ASIC2: variants seen among roughly 807,000 people sequenced by gnomAD.
ASIC2 encodes acid-sensing ion channel 2.
Under a neutral mutation model 57.3 loss-of-function variants are expected in ASIC2, and 25 were observed. The observed-to-expected ratio is 0.44, with a 90% CI of 0.32 to 0.61. ASIC2 has a LOEUF of 0.61. ASIC2 is among the 20% of genes least tolerant of loss of function. The pLI is 0.06. For synonymous variants in ASIC2, 319 were observed against 307.5 expected, an observed-to-expected ratio of 1.04 and a Z score of -0.39; for missense variants, 641 against 738.1, an observed-to-expected ratio of 0.87 and a Z score of 1.52.
chr17:33,443,125 T>C (rs1218388090), intron 1 of ASIC2, among the ~76,000 whole-genome samples: 1 of 152,232 alleles, frequency 6.6e-6, no homozygotes, highest in African/African-American at 2.4e-5. Flanking sequence ...TGTCACAGTA[T>C]ATAATCCTTC....
chr17:33,663,279 C>T (rs1049754744), intron 1 of ASIC2, among the ~76,000 whole-genome samples: 6 of 152,122 alleles, frequency 3.9e-5, no homozygotes, highest in Non-Finnish European at 8.8e-5. Flanking sequence ...AAAATCCTTG[C>T]CCTTTTGCCT....
chr17:34,126,400 G>A (rs1911781742), intron 1 of ASIC2, among the ~76,000 whole-genome samples: 1 of 152,140 alleles, frequency 6.6e-6, no homozygotes, highest in South Asian at 2.1e-4. Context: ...AATAAATAAA[G>A]CACCCCAGAG....
intron 1 of ASIC2, among the ~76,000 whole-genome samples, chr17:34,141,876 G>A (rs911539919): frequency 6.6e-6 from 1 of 152,164 alleles, no homozygotes; most frequent in African/African-American, 2.4e-5. Flanking sequence ...CATTGCTCTG[G>A]GGGGAACAAT....
At chr17:34,026,749 T>C (rs1322699637) in intron 1 of ASIC2, among the ~76,000 whole-genome samples, 2 of 152,118 alleles carry the variant, frequency 1.3e-5, no homozygotes, top group South Asian at 2.1e-4. Flanking sequence ...ATTCACCTCA[T>C]TTTGCAGATG....
At chr17:34,052,811 A>C (rs377439869) in intron 1 of ASIC2, among the ~76,000 whole-genome samples, 2 of 151,348 alleles carry the variant, frequency 1.3e-5, no homozygotes, top group Non-Finnish European at 2.9e-5. Context: ...TAGAGATGGG[A>C]TTTCACTATG....
chr17:33,231,656 T>C (rs895442338), intron 1 of ASIC2, among the ~76,000 whole-genome samples: 1 of 152,118 alleles, frequency 6.6e-6, no homozygotes, highest in Non-Finnish European at 1.5e-5. Flanking sequence ...CGAGGCCTGA[T>C]GGGTCACTGT....
chr17:33,513,672 C>A (rs777544751), intron 1 of ASIC2, among the ~76,000 whole-genome samples: 7 of 152,220 alleles, frequency 4.6e-5, no homozygotes, highest in Non-Finnish European at 7.3e-5. Flanking sequence ...AGTTGGGGAA[C>A]AAAACCCCAT....
chr17:33,360,554 G>C (rs974622082), intron 1 of ASIC2, among the ~76,000 whole-genome samples: 4 of 152,190 alleles, frequency 2.6e-5, no homozygotes, highest in Non-Finnish European at 4.4e-5. Flanking sequence ...CTTTCTTTGT[G>C]TATTTTTCTA....
At chr17:34,136,054 G>A (rs899192932) in intron 1 of ASIC2, among the ~76,000 whole-genome samples, 2 of 152,084 alleles carry the variant, frequency 1.3e-5, no homozygotes, top group Non-Finnish European at 2.9e-5. Context: ...GACAGGGCAG[G>A]AGTCAGACAA....
chr17:33,563,385 C>A (rs566173641), intron 1 of ASIC2, among the ~76,000 whole-genome samples: 49 of 152,272 alleles, frequency 3.2e-4, no homozygotes, highest in South Asian at 2.7e-3. Context: ...ACAGGATAAA[C>A]CGGGAATTAA....
At chr17:33,324,201 A>G (rs1036420857) in intron 1 of ASIC2, among the ~76,000 whole-genome samples, 1 of 152,000 alleles carries the variant, frequency 6.6e-6, no homozygotes. Context: ...CAAGCACTGT[A>G]TTTTCCCTCA....
At chr17:33,269,652 T>C (rs1765487028) in intron 1 of ASIC2, among the ~76,000 whole-genome samples, 1 of 81,532 alleles carries the variant, frequency 1.2e-5, no homozygotes, top group Non-Finnish European at 2.7e-5. Flanking sequence ...CCTTCCTTCC[T>C]TCCTTCCTTC....
In ASIC2 at chr17:34,097,938, G is replaced by A. The variant is rs1356179502; in HGVS notation, c.555+58040C>T. On this transcript the variant is annotated intron_variant, in intron 1 of 9. Coordinates refer to the ASIC2 transcript ENST00000359872. ...CTTTGCTCGGCTGCCCACTATGGGA[G>A]TAGTTCTGGAGGTAAATTTCAAAGG... Among the ~76,000 whole-genome samples the A allele has an allele frequency of 3.9e-5, 6 of 152,140 alleles. No homozygotes were observed. The East Asian group carries it at 1.2e-3, about 29-fold the overall frequency.
Position 33,500,421 on chromosome 17 carries a change from G to T in ASIC2, c.556-388354C>A, listed in dbSNP as rs538091690. On this transcript the variant is annotated intron_variant, in intron 1 of 9. Transcript: ENST00000359872. The stretch of plus-strand genomic sequence containing the variant: ...TTGGCCCACTCAAGATCATCACAAT[G>T]GCCCATGGAATGGCTCCTCCTTATC... Among the ~76,000 whole-genome samples the T allele has an allele frequency of 2.6e-5, 4 of 152,308 alleles. No homozygotes were observed. In the South Asian group the frequency reaches 8.3e-4, roughly 32 times the overall value.
In ASIC2 at chr17:33,451,075, G is replaced by A. The variant is rs139628276; in HGVS notation, c.556-339008C>T. ...CGTACATGTACTTTTTTTTTTTTCT[G>A]AGATGGAGTCTCACTCTGTCGCCCA... is the stretch of plus-strand genomic sequence containing the variant. On this transcript the variant is annotated intron_variant, in intron 1 of 9. Coordinates refer to the ASIC2 transcript ENST00000359872. Among the ~76,000 whole-genome samples, 1,131 of 133,772 alleles carry A rather than the reference G, an allele frequency of 8.5e-3. 20 individuals are homozygous for A. The highest frequency in any genetic ancestry group is 0.029 in the African/African-American group (1,052 of 36,486). 87.8% of individuals were successfully genotyped at this position (133,772 alleles called of 152,430 possible). A position where few individuals can be genotyped will look rare whatever the true frequency, so the allele number is the denominator to read the frequency against.
intron 1 of ASIC2, among the ~76,000 whole-genome samples, chr17:33,997,302 G>C (rs1323771827): frequency 7.5e-6 from 1 of 132,502 alleles, no homozygotes; most frequent in Non-Finnish European, 1.5e-5. Context: ...CACCATGCAC[G>C]GTTAATTTTT....
chr17:33,313,201 C>T (rs1047558165), intron 1 of ASIC2, among the ~76,000 whole-genome samples: 4 of 151,792 alleles, frequency 2.6e-5, no homozygotes, highest in Non-Finnish European at 4.4e-5. Flanking sequence ...TGGTGTGTAT[C>T]TGTAGTCTCA....
At chr17:33,968,351 TA>T (rs1434259096) in intron 1 of ASIC2, among the ~76,000 whole-genome samples, 1 of 152,174 alleles carries the variant, frequency 6.6e-6, no homozygotes, top group African/African-American at 2.4e-5. Flanking sequence ...CGGAGACCTC[TA>T]AAAATAAAGC....
At chr17:33,985,769 G>T (rs887803127) in intron 1 of ASIC2, among the ~76,000 whole-genome samples, 3 of 152,200 alleles carry the variant, frequency 2.0e-5, no homozygotes, top group African/African-American at 4.8e-5. Flanking sequence ...CCACTCCTCT[G>T]TCTAAAGCTG....
Sources: allele counts gnomAD v4.1 joint callset (sites outside exome capture counted in the v4.1 genomes callset), GRCh38; gene constraint gnomAD v4.1.1; transcripts MANE v1.5; gene names NCBI Gene and HGNC (gene_info 2026-07-23, HGNC 2026-07-21).